The following CDH13 variants were observed in gnomAD, a reference collection of about 807,000 sequenced individuals.
CDH13 encodes cadherin-13.
In CDH13, 24 loss-of-function variants were observed where a neutral mutation model predicts 63.8. The observed-to-expected ratio is 0.38, with a 90% CI of 0.27 to 0.53. The LOEUF (loss-of-function observed/expected upper bound fraction) is 0.53. CDH13 is among the 20% of genes least tolerant of loss of function. CDH13 has a pLI of 0.85. For missense variants in CDH13, 1,049 were observed against 903.1 expected (o/e 1.16, Z -2.07); for synonymous variants, 503 against 355.3 (o/e 1.42, Z -4.67).
At chr16:83,518,598 G>T (rs544409354) in intron 7 of CDH13, among the ~76,000 whole-genome samples, 5 of 149,982 alleles carry the variant, frequency 3.3e-5, no homozygotes, top group Admixed American at 2.0e-4. Context: ...TCAGCCTTCC[G>T]AGTAGCTGGG....
At chr16:83,752,938 C>A (rs1178238850) in intron 11 of CDH13, among the ~76,000 whole-genome samples, 1 of 152,174 alleles carries the variant, frequency 6.6e-6, no homozygotes, top group Non-Finnish European at 1.5e-5. Flanking sequence ...TTGAAATCCA[C>A]TTGTTGTCTA....
chr16:83,193,148 A>G (rs1373818837), intron 4 of CDH13, among the ~76,000 whole-genome samples: 2 of 150,034 alleles, frequency 1.3e-5, no homozygotes, highest in Admixed American at 6.6e-5. Flanking sequence ...GGGAAATGCT[A>G]TACTTGAAAA....
chr16:83,379,097 C>T (rs1043104476), intron 6 of CDH13, among the ~76,000 whole-genome samples: 5 of 151,958 alleles, frequency 3.3e-5, no homozygotes, highest in African/African-American at 9.7e-5. Context: ...TAGCTTTACC[C>T]CATGGGAAGA....
chr16:82,728,723 A>G (rs1379112062), intron 1 of CDH13, among the ~76,000 whole-genome samples: 1 of 152,124 alleles, frequency 6.6e-6, no homozygotes, highest in African/African-American at 2.4e-5. Context: ...GAAGACCACA[A>G]TGAAGTTGTC....
At chr16:83,497,498 C>T (rs1440306459) in intron 7 of CDH13, among the ~76,000 whole-genome samples, 1 of 116,942 alleles carries the variant, frequency 8.6e-6, no homozygotes, top group African/African-American at 3.5e-5. Flanking sequence ...ATATCACACT[C>T]TGGGGACTGT....
At chr16:82,654,212 C>T (rs532664951) in intron 1 of CDH13, among the ~76,000 whole-genome samples, 27 of 152,310 alleles carry the variant, frequency 1.8e-4, no homozygotes, top group African/African-American at 6.3e-4. Flanking sequence ...TCTGGGGAGA[C>T]AGCAGGTCCG....
intron 5 of CDH13, among the ~76,000 whole-genome samples, chr16:83,280,733 GA>G (rs1358250074): frequency 1.3e-5 from 2 of 152,150 alleles, no homozygotes; most frequent in African/African-American, 4.8e-5. Flanking sequence ...AATGTCTTTT[GA>G]AAGTCAAAAT....
Position 83,178,042 on chromosome 16 carries a change from A to G in CDH13, c.484-39303A>G, listed in dbSNP as rs190368053. Among the ~76,000 whole-genome samples, 11 of 152,304 alleles carry G rather than the reference A, an allele frequency of 7.2e-5. No individual in the cohort carries two copies. The East Asian group carries it at 1.7e-3, about 24-fold the overall frequency. On this transcript the variant is annotated intron_variant, in intron 4 of 13. Transcript: ENST00000567109. The stretch of plus-strand genomic sequence containing the variant: ...TACGGGAAACCCTAGCATAGAAAAA[A>G]ATAGTACCAGAACCCCTGAAATCTA...
intron 5 of CDH13, among the ~76,000 whole-genome samples, chr16:83,238,565 A>G (rs1418310831): frequency 6.6e-6 from 1 of 152,114 alleles, no homozygotes; most frequent in Admixed American, 6.5e-5. Flanking sequence ...CCCTGGGGAA[A>G]CATGTGGTTG....
chr16:82,651,560 G>T (rs1376271846), intron 1 of CDH13, among the ~76,000 whole-genome samples: 1 of 152,220 alleles, frequency 6.6e-6, no homozygotes, highest in East Asian at 1.9e-4. Flanking sequence ...GCCAGGTCCT[G>T]AGAAAAGCAT....
intron 11 of CDH13, among the ~76,000 whole-genome samples, chr16:83,776,833 C>T (rs1310072997): frequency 1.3e-5 from 2 of 152,158 alleles, no homozygotes; most frequent in Admixed American, 6.5e-5. Context: ...CTCAGGATTC[C>T]GTATTCCACC....
intron 6 of CDH13, among the ~76,000 whole-genome samples, chr16:83,348,495 GC>G (rs1441141388): frequency 9.8e-5 from 15 of 152,352 alleles, no homozygotes; most frequent in Non-Finnish European, 1.5e-5. Flanking sequence ...GCCTCACACA[GC>G]CAAGGGAACA....
At chr16:82,995,813 T>C (rs1163940876) in intron 2 of CDH13, among the ~76,000 whole-genome samples, 1 of 152,164 alleles carries the variant, frequency 6.6e-6, no homozygotes, top group Non-Finnish European at 1.5e-5. Context: ...GGGATCACGC[T>C]GCATCCATTG....
intron 2 of CDH13, among the ~76,000 whole-genome samples, chr16:82,963,158 G>T (rs1907279629): frequency 6.6e-6 from 1 of 150,842 alleles, no homozygotes; most frequent in Non-Finnish European, 1.5e-5. Context: ...ATCACCTGAG[G>T]TCAGGAGTTG....
chr16:83,408,482 A>G (rs1468342192), intron 6 of CDH13, among the ~76,000 whole-genome samples: 1 of 152,212 alleles, frequency 6.6e-6, no homozygotes, highest in Non-Finnish European at 1.5e-5. Context: ...ACTCTATTGA[A>G]TACTGTAAAC....
At chr16:83,089,830 C>A (rs72796290) in intron 3 of CDH13, among the ~76,000 whole-genome samples, 9,280 of 152,210 alleles carry the variant, frequency 0.061, 330 homozygotes, top group Non-Finnish European at 0.072. Flanking sequence ...CACGTGCATA[C>A]AGATTACCTG....
At chr16:83,737,063 T>C (rs1290548387) in intron 10 of CDH13, among the ~76,000 whole-genome samples, 1 of 152,152 alleles carries the variant, frequency 6.6e-6, no homozygotes, top group East Asian at 1.9e-4. Flanking sequence ...GGGTGGGAGC[T>C]CAAAACAGTG....
intron 2 of CDH13, among the ~76,000 whole-genome samples, chr16:82,872,203 C>G (rs1264288000): frequency 6.6e-6 from 1 of 152,208 alleles, no homozygotes; most frequent in Admixed American, 6.5e-5. Flanking sequence ...AGCATACACA[C>G]AAATGGAAAT....
chr16:83,635,338 T>C lies in CDH13; in HGVS notation c.1101+32744T>C, dbSNP rs1813890670. Among the ~76,000 whole-genome samples, 4 of 75,962 alleles carry C rather than the reference T, an allele frequency of 5.3e-5. No homozygotes were observed. In the East Asian group the frequency reaches 1.9e-3, roughly 37 times the overall value. 49.8% of individuals were successfully genotyped at this position (75,962 alleles called of 152,430 possible). ...ACTTTTGCCCATTTTCTTTCTTTTT[T>C]TTTTTTTTTTTTTTTTTTTTTTTGA... On this transcript the variant is annotated intron_variant, in intron 8 of 13. Coordinates refer to ENST00000567109, the MANE Select transcript of CDH13 (RefSeq NM_001257.5).
Sources: gnomAD v4.1 joint callset for allele counts (sites outside exome capture counted in the v4.1 genomes callset) on GRCh38, gnomAD v4.1.1 for gene constraint, MANE v1.5 for transcripts, NCBI Gene and HGNC (gene_info 2026-07-23, HGNC 2026-07-21) for gene names.